Variants in RABGAP1L observed in about 807,000 individuals in gnomAD.
RABGAP1L encodes rab GTPase-activating protein 1-like.
A neutral mutation model predicts 137.7 loss-of-function variants in RABGAP1L; 63 were observed. The observed-to-expected ratio is 0.46, with a 90% CI of 0.37 to 0.56. The LOEUF (loss-of-function observed/expected upper bound fraction) is 0.56. Among genes scored for constraint, RABGAP1L ranks in the 20% least tolerant of loss-of-function variants. RABGAP1L has a pLI of 0.00. For synonymous variants in RABGAP1L, 431 were observed against 433.7 expected (o/e 0.99, Z 0.08); for missense variants, 1,095 against 1,244.0 (o/e 0.88, Z 1.80).
chr1:174,982,809 TAA>T (rs1210881605), intron 23 of RABGAP1L, 23 bp from the exon 24 acceptor site: 7 of 1,548,826 alleles, frequency 4.5e-6, no homozygotes, highest in African/African-American at 2.7e-5. Flanking sequence ...TGTTTTCTAG[TAA>T]AAGACTCTTT....
chr1:174,891,728 C>T (rs973056652), intron 19 of RABGAP1L, among the ~76,000 whole-genome samples: 8 of 152,162 alleles, frequency 5.3e-5, no homozygotes, highest in East Asian at 1.9e-4. Context: ...TGGTCTTGAA[C>T]GCCTGGCTTC....
At chr1:174,349,268 C>T (rs1400171752) in intron 11 of RABGAP1L, among the ~76,000 whole-genome samples, 12 of 138,206 alleles carry the variant, frequency 8.7e-5, no homozygotes, top group Admixed American at 4.2e-4. Flanking sequence ...GGCGGCTGGC[C>T]GGGCAGAGGG....
intron 10 of RABGAP1L, among the ~76,000 whole-genome samples, chr1:174,283,751 C>T (rs940878656): frequency 6.6e-6 from 1 of 152,198 alleles, no homozygotes; most frequent in African/African-American, 2.4e-5. Context: ...AAGTGATCCA[C>T]CCTCCTCGGC....
intron 14 of RABGAP1L, among the ~76,000 whole-genome samples, chr1:174,654,361 TAG>T (rs1675801545): frequency 6.6e-6 from 1 of 152,218 alleles, no homozygotes; most frequent in African/African-American, 2.4e-5. Flanking sequence ...ACAGATATTT[TAG>T]ATGAAAATTT....
intron 19 of RABGAP1L, among the ~76,000 whole-genome samples, chr1:174,830,565 C>T (rs1692007725): frequency 6.8e-6 from 1 of 147,222 alleles, no homozygotes; most frequent in Non-Finnish European, 1.5e-5. Flanking sequence ...CAACCTCTGC[C>T]TCCCAGGTTC....
intron 13 of RABGAP1L, among the ~76,000 whole-genome samples, chr1:174,547,210 AAGTT>A (rs1382521978): frequency 6.6e-6 from 1 of 152,042 alleles, no homozygotes; most frequent in African/African-American, 2.4e-5. Flanking sequence ...TGTGTGTAAA[AAGTT>A]AGGGGTATAA....
At chr1:174,566,295 C>CA (rs1394037973) in intron 13 of RABGAP1L, among the ~76,000 whole-genome samples, 1 of 152,088 alleles carries the variant, frequency 6.6e-6, no homozygotes, top group Non-Finnish European at 1.5e-5. Context: ...GTTTCACCTA[C>CA]AAAGAGTTTT....
intron 19 of RABGAP1L, chr1:174,897,405 C>A (rs981191257): frequency 6.6e-6 from 1 of 152,138 alleles, no homozygotes; most frequent in Non-Finnish European, 1.5e-5. Flanking sequence ...GTGTGAAAAT[C>A]GTATGAAATC....
chr1:174,431,958 G>A (rs1449753627), intron 13 of RABGAP1L, among the ~76,000 whole-genome samples: 1 of 151,900 alleles, frequency 6.6e-6, no homozygotes, highest in Non-Finnish European at 1.5e-5. Context: ...CTTTTTTAAA[G>A]AAATAGTTTC....
intron 19 of RABGAP1L, among the ~76,000 whole-genome samples, chr1:174,894,760 G>T (rs1656850122): frequency 1.4e-5 from 2 of 145,840 alleles, no homozygotes; most frequent in African/African-American, 5.3e-5. Flanking sequence ...GTTTTGTTTT[G>T]TTTTGTGTGT....
chr1:174,174,652 A>G (rs1267182836), intron 1 of RABGAP1L, among the ~76,000 whole-genome samples: 1 of 152,204 alleles, frequency 6.6e-6, no homozygotes, highest in African/African-American at 2.4e-5. Context: ...TGAAGGCTGA[A>G]AAACTAGGGG....
intron 10 of RABGAP1L, among the ~76,000 whole-genome samples, chr1:174,290,768 T>C (rs1676518191): frequency 6.6e-6 from 1 of 151,834 alleles, no homozygotes; most frequent in South Asian, 2.1e-4. Flanking sequence ...TTCTTGGTTT[T>C]TTTTTTTTTT....
intron 13 of RABGAP1L, among the ~76,000 whole-genome samples, chr1:174,597,924 G>T (rs573988866): frequency 1.3e-5 from 2 of 152,198 alleles, no homozygotes; most frequent in South Asian, 4.2e-4. Flanking sequence ...TCATTCAGCA[G>T]CATAGTGTTT....
chr1:174,636,647 C>T (rs542810055), intron 13 of RABGAP1L, among the ~76,000 whole-genome samples: 2 of 151,774 alleles, frequency 1.3e-5, no homozygotes, highest in Non-Finnish European at 2.9e-5. Flanking sequence ...TTTTAAATGA[C>T]CATGGTCTGA....
chr1:174,231,099 G>A, intron 3 of RABGAP1L, 46 bp from the exon 4 acceptor site: 1 of 1,386,538 alleles, frequency 7.2e-7, no homozygotes, highest in East Asian at 2.3e-5. Flanking sequence ...TAATGATGGT[G>A]GAGTTTTGCA....
chr1:174,886,495 A>G (rs1573665978), intron 19 of RABGAP1L, among the ~76,000 whole-genome samples: 2 of 152,358 alleles, frequency 1.3e-5, no homozygotes, highest in South Asian at 4.1e-4. Flanking sequence ...GAAATACAGA[A>G]GCCCTCTTAT....
At chr1:174,500,424 T>C (rs568585700) in intron 13 of RABGAP1L, among the ~76,000 whole-genome samples, 5 of 152,146 alleles carry the variant, frequency 3.3e-5, no homozygotes, top group African/African-American at 1.2e-4. Context: ...TACCACATAC[T>C]GGCCCCCTCA....
intron 13 of RABGAP1L, among the ~76,000 whole-genome samples, chr1:174,479,967 C>G (rs928918313): frequency 2.6e-5 from 4 of 152,088 alleles, no homozygotes; most frequent in Non-Finnish European, 5.9e-5. Context: ...ATAGCCTGTT[C>G]CACATATAAA....
intron 19 of RABGAP1L, among the ~76,000 whole-genome samples, chr1:174,847,345 T>C (rs2148968776): frequency 6.6e-6 from 1 of 151,802 alleles, no homozygotes; most frequent in East Asian, 1.9e-4. Flanking sequence ...CATTTTGGCA[T>C]GATTTTGCAG....
Sources: allele counts gnomAD v4.1 joint callset (sites outside exome capture counted in the v4.1 genomes callset), GRCh38; gene constraint gnomAD v4.1.1; transcripts MANE v1.5; gene names NCBI Gene and HGNC (gene_info 2026-07-23, HGNC 2026-07-21).